Variants in ADAMTS15 observed in about 807,000 individuals in gnomAD.
ADAMTS15 encodes the protein ADAM metallopeptidase with thrombospondin type 1 motif 15, also known as A disintegrin and metalloproteinase with thrombospondin motifs 15.
A neutral mutation model predicts 79.1 loss-of-function variants in ADAMTS15; 35 were observed. The ratio of observed to expected loss-of-function variants is 0.44; its 90% CI spans 0.34 to 0.59. The LOEUF (loss-of-function observed/expected upper bound fraction) is 0.59. Ranked by LOEUF, ADAMTS15 falls within the 20% of genes least tolerant of loss-of-function variation. The pLI is 0.02. For missense variants in ADAMTS15, 1,324 were observed against 1,318.7 expected (o/e 1.00, Z -0.06); for synonymous variants, 616 against 567.3 (o/e 1.09, Z -1.22).
intron 1 of ADAMTS15, among the ~76,000 whole-genome samples, chr11:130,454,026 C>T (rs1428889130): frequency 4.6e-5 from 7 of 152,190 alleles, no homozygotes. Context: ...CTGTGTTGCC[C>T]AGGCTGGTCT....
intron 1 of ADAMTS15, among the ~76,000 whole-genome samples, chr11:130,457,519 G>T (rs1303242106): frequency 6.6e-6 from 1 of 152,180 alleles, no homozygotes; most frequent in African/African-American, 2.4e-5. Flanking sequence ...GGAGGATTAA[G>T]GTTCCTGGCC....
chr11:130,457,140 C>T (rs367821957), intron 1 of ADAMTS15, among the ~76,000 whole-genome samples: 2 of 150,572 alleles, frequency 1.3e-5, no homozygotes, highest in Admixed American at 6.6e-5. Context: ...GGCTGAGGCA[C>T]GAGATGCTTG....
chr11:130,470,235 T>C (rs1938423913), intron 5 of ADAMTS15, among the ~76,000 whole-genome samples: 1 of 139,338 alleles, frequency 7.2e-6, no homozygotes, highest in African/African-American at 2.7e-5. Context: ...TTTTCTGAGG[T>C]AGAGTCTCAC....
At chr11:130,470,182 G>GTATATATATATATATATATATATATATA (rs1407250375) in intron 5 of ADAMTS15, among the ~76,000 whole-genome samples, 1 of 72,744 alleles carries the variant, frequency 1.4e-5, no homozygotes, top group Non-Finnish European at 2.3e-5. Flanking sequence ...ATATATATAT[G>GTATATATATATATATATATATATATATA]TGTGTATATA....
chr11:130,468,881 G>C (rs780785360), intron 4 of ADAMTS15, among the ~76,000 whole-genome samples: 2 of 140,454 alleles, frequency 1.4e-5, no homozygotes, highest in Non-Finnish European at 3.0e-5. Flanking sequence ...AGGTTGCAGT[G>C]AGCCAATATT....
Position 130,461,519 on chromosome 11 carries a change from C to G in ADAMTS15, c.988C>G (p.Leu330Val), listed in dbSNP as rs1938198768. 1 of 1,614,194 alleles carries G rather than the reference C, an allele frequency of 6.2e-7. No homozygotes were observed. Among genetic ancestry groups the G allele is most frequent in the East Asian group, 2.2e-5 (1 of 44,872 alleles). ...GTGTGGAGCCACCACCTGTGACACC[C>G]TGGGCATGGCTGATGTGGGTACCAT... The part of the protein sequence containing the change: ...DLCGATTCDT[L>V]GMADVGTMCD... The change falls in exon 2 of 8, where the codon CTG becomes GTG. Residue 330 changes from leucine to valine, a missense_variant. Physicochemically the swap from Leu to Val is conservative, Grantham distance 32. Transcript: ENST00000299164.
intron 4 of ADAMTS15, among the ~76,000 whole-genome samples, chr11:130,464,217 A>C (rs570418259): frequency 6.6e-5 from 10 of 152,320 alleles, no homozygotes; most frequent in African/African-American, 2.2e-4. Context: ...GAGGATGCAG[A>C]GACAAGGTGA....
intron 1 of ADAMTS15, among the ~76,000 whole-genome samples, chr11:130,453,245 C>T (rs1387613171): frequency 1.3e-5 from 2 of 149,546 alleles, no homozygotes; most frequent in Non-Finnish European, 3.0e-5. Context: ...TCCACTTCTG[C>T]TTTGCTCTCT....
chr11:130,449,052 G>A lies in ADAMTS15; in HGVS notation c.79G>A (p.Val27Ile). The change falls in exon 1 of 8, where the codon GTT (valine) becomes ATT (isoleucine). Residue 27 changes from valine to isoleucine, a missense_variant. Val to Ile is a conservative substitution (Grantham distance 29). Coordinates refer to ENST00000299164, the MANE Select transcript of ADAMTS15 (RefSeq NM_139055.4). The surrounding 1 kb of genome is among the most constrained non-coding windows in gnomAD (Gnocchi z 7.8). The stretch of plus-strand genomic sequence containing the variant: ...CTCTGAGCCAGAGCGGGAGGTAGTC[G>A]TTCCCATCCGACTGGACCCGGACAT... The part of the protein sequence containing the change: ...GGSEPEREVV[V>I]PIRLDPDING... 6.5e-7 allele frequency: 1 copy of A among 1,550,218 alleles called. No individual in the cohort carries two copies. Among genetic ancestry groups the A allele is most frequent in the South Asian group, 1.2e-5 (1 of 81,336 alleles).
chr11:130,461,398 ATG>A, intron 1 of ADAMTS15, 89 bp from the exon 2 acceptor site: 40 of 1,566,262 alleles, frequency 2.6e-5, no homozygotes, highest in Non-Finnish European at 3.5e-5. Context: ...ATGAGCTGGA[ATG>A]TCCTATAGGA....
In ADAMTS15 at chr11:130,469,378, G is replaced by A; in HGVS notation, c.1659G>A (p.Lys553=). Reference sequence around the variant, plus strand: ...ACCCCACCCCTGCCAACGGGGGCAAGTACTGCGAGGGAGTGAGGGTGAAAT... The same window carrying A: ...ACCCCACCCCTGCCAACGGGGGCAAATACTGCGAGGGAGTGAGGGTGAAAT... ...CTNPTPANGG[K]YCEGVRVKYR... is the part of the protein sequence containing the mutation. Residue 553 remains lysine (K), a synonymous_variant, in exon 5 of 8, where the codon AAG becomes AAA. Coordinates refer to ENST00000299164, the MANE Select transcript of ADAMTS15 (RefSeq NM_139055.4). The A allele has an allele frequency of 7.3e-7, 1 of 1,360,768 alleles. No homozygotes were observed. Among genetic ancestry groups the A allele is most frequent in the Non-Finnish European group, 9.5e-7 (1 of 1,048,046 alleles). The allele number at this position is 1,360,768 out of a possible 1,614,324, so 84.3% of individuals were successfully genotyped here.
intron 1 of ADAMTS15, among the ~76,000 whole-genome samples, chr11:130,458,324 T>A (rs1372107019): frequency 6.6e-6 from 1 of 152,204 alleles, no homozygotes; most frequent in East Asian, 1.9e-4. Context: ...CCTCCCGAAG[T>A]GCTAGGATTA....
At chr11:130,461,872 G>A (rs1043917472) in intron 2 of ADAMTS15, among the ~76,000 whole-genome samples, 3 of 152,174 alleles carry the variant, frequency 2.0e-5, no homozygotes, top group African/African-American at 7.2e-5. Context: ...ACGACAAGGA[G>A]GTACACTCTG....
Position 130,471,004 on chromosome 11 carries a change from C to G in ADAMTS15, c.1805C>G (p.Ala602Gly). The change falls in exon 6 of 8, where the codon GCA becomes GGA. Residue 602 changes from alanine to glycine, a missense_variant. Transcript: ENST00000299164. ...HSTNRLTLAV[A>G]WVPKYSGVSP... ...ACCAACCGGCTCACTCTCGCCGTGG[C>G]ATGGGTGCCCAAGTACTCCGGCGTG... is the stretch of plus-strand genomic sequence containing the variant. 6.2e-7 allele frequency: 1 copy of G among 1,613,850 alleles called. No homozygotes were observed. The highest frequency in any genetic ancestry group is 8.5e-7 in the Non-Finnish European group (1 of 1,180,050).
rs779595110 is a variant in ADAMTS15, at chr11:130,449,681, G to C, written c.708G>C (p.Ala236=). 18 of 1,604,014 alleles carry C rather than the reference G, an allele frequency of 1.1e-5. No individual in the cohort carries two copies. Among genetic ancestry groups the C allele is most frequent in the Non-Finnish European group, 1.4e-5 (16 of 1,175,488 alleles). The stretch of plus-strand genomic sequence containing the variant: ...AGTCAATGGTCAAGTTCCACGGCGC[G>C]GACCTGGAACATTATCTGCTGACGC... ...ADESMVKFHG[A]DLEHYLLTLL... is the part of the protein sequence containing the mutation. Residue 236 remains alanine (A), a synonymous_variant, in exon 1 of 8, where the codon GCG becomes GCC. Coordinates refer to ENST00000299164, the MANE Select transcript of ADAMTS15 (RefSeq NM_139055.4). The surrounding 1 kb of genome is among the most constrained non-coding windows in gnomAD (Gnocchi z 7.8).
rs753375860 is a variant in ADAMTS15, at chr11:130,471,197, G to A, written c.1903-11G>A. 4 of 1,590,648 alleles carry A rather than the reference G, an allele frequency of 2.5e-6. No individual in the cohort carries two copies. The highest frequency in any genetic ancestry group is 1.8e-5 in the Admixed American group (1 of 56,964). ...GCTCTTCCTTCTTTTTCCCCTTCTGGGGTGCTGCAGGTGGTGGACGGCACG... is the reference window on the plus strand; with the variant it reads ...GCTCTTCCTTCTTTTTCCCCTTCTGAGGTGCTGCAGGTGGTGGACGGCACG... On this transcript the variant is annotated splice_polypyrimidine_tract_variant and intron_variant, in intron 6 of 7. Coordinates refer to ENST00000299164, the MANE Select transcript of ADAMTS15 (RefSeq NM_139055.4).
At chr11:130,461,361 T>G in intron 1 of ADAMTS15, 128 bp from the exon 2 acceptor site, 1 of 1,332,128 alleles carries the variant, frequency 7.5e-7, no homozygotes, top group Non-Finnish European at 1.0e-6. Context: ...AGCTGGAAGG[T>G]GCTGGGCCTG....
At chr11:130,450,253 C>T (rs925043375) in intron 1 of ADAMTS15, 2 of 985,370 alleles carry the variant, frequency 2.0e-6, no homozygotes, top group South Asian at 4.7e-5. Context: ...CAGTTTGTGT[C>T]CAAGACCGAT....
In ADAMTS15 at chr11:130,450,221, G is replaced by C. The variant is rs1462834942; in HGVS notation, c.957+291G>C. The C allele has an allele frequency of 2.7e-5, 27 of 985,382 alleles. No individual in the cohort carries two copies. In the South Asian group the frequency reaches 1.0e-3, roughly 38 times the overall value. The allele number at this position is 985,382 out of a possible 1,614,324, so 61.0% of individuals were successfully genotyped here. ...TCAGGCGCCGAGGGGCCGGAACCCA[G>C]GAAGTTGCCGCCCCGGAGCTGCAGT... On this transcript the variant is annotated intron_variant, in intron 1 of 7. Transcript: ENST00000299164.
Sources: gnomAD v4.1 joint callset for allele counts (sites outside exome capture counted in the v4.1 genomes callset) on GRCh38, gnomAD v4.1.1 for gene constraint, Gnocchi (gnomAD v3.1) non-coding constraint, MANE v1.5 for transcripts, NCBI Gene and HGNC (gene_info 2026-07-23, HGNC 2026-07-21) for gene names.